The following MAGI2 variants were observed in gnomAD, a reference collection of about 807,000 sequenced individuals.
MAGI2 encodes membrane associated guanylate kinase, WW and PDZ domain containing 2, also known as membrane-associated guanylate kinase, WW and PDZ domain-containing protein 2.
In MAGI2, 35 loss-of-function variants were observed where a neutral mutation model predicts 133.3. The observed-to-expected ratio is 0.26, with a 90% CI of 0.20 to 0.35. The LOEUF (loss-of-function observed/expected upper bound fraction) is 0.35. MAGI2 is among the 10% of genes least tolerant of loss of function. MAGI2 has a pLI of 1.00. For missense variants in MAGI2, 1,636 were observed against 1,863.4 expected, an observed-to-expected ratio of 0.88 and a Z score of 2.25; for synonymous variants, 729 against 710.6, an observed-to-expected ratio of 1.03 and a Z score of -0.41.
intron 2 of MAGI2, among the ~76,000 whole-genome samples, chr7:78,975,906 T>C (rs1804201030): frequency 6.6e-6 from 1 of 151,682 alleles, no homozygotes; most frequent in South Asian, 2.1e-4. Flanking sequence ...CCTCACCTAT[T>C]TGAAAACTTA....
chr7:78,665,539 T>C (rs765056422), intron 2 of MAGI2, among the ~76,000 whole-genome samples: 14 of 147,626 alleles, frequency 9.5e-5, no homozygotes, highest in Non-Finnish European at 1.8e-4. Flanking sequence ...TTTAATTTCT[T>C]TTCTAATCTT....
At chr7:79,308,424 G>A (rs906869237) in intron 1 of MAGI2, among the ~76,000 whole-genome samples, 4 of 152,120 alleles carry the variant, frequency 2.6e-5, no homozygotes, top group African/African-American at 7.2e-5. Context: ...GGCTATGGAA[G>A]CATGAGCGAG....
At chr7:78,031,470 C>G (rs773048638) in intron 21 of MAGI2, among the ~76,000 whole-genome samples, 1 of 152,086 alleles carries the variant, frequency 6.6e-6, no homozygotes, top group Non-Finnish European at 1.5e-5. Flanking sequence ...ATATTTCCAC[C>G]ACTACTTTGC....
At chr7:78,491,910 TGTGTGTG>T (rs1793655646) in intron 5 of MAGI2, among the ~76,000 whole-genome samples, 1 of 150,686 alleles carries the variant, frequency 6.6e-6, no homozygotes, top group Non-Finnish European at 1.5e-5. Context: ...TGTGTGTGTG[TGTGTGTG>T]TGTTGATGTC....
chr7:78,804,833 C>T (rs922199464), intron 2 of MAGI2, among the ~76,000 whole-genome samples: 2 of 150,526 alleles, frequency 1.3e-5, no homozygotes, highest in African/African-American at 2.4e-5. Flanking sequence ...TTTGGGAAGC[C>T]GAGGCGGGTG....
At chr7:78,159,636 C>A (rs1824765772) in intron 16 of MAGI2, among the ~76,000 whole-genome samples, 1 of 152,166 alleles carries the variant, frequency 6.6e-6, no homozygotes, top group African/African-American at 2.4e-5. Flanking sequence ...CTTTGCATGT[C>A]TGGTTCTATT....
At chr7:78,641,426 AATAC>A (rs961507367) in intron 2 of MAGI2, among the ~76,000 whole-genome samples, 1 of 152,194 alleles carries the variant, frequency 6.6e-6, no homozygotes, top group Non-Finnish European at 1.5e-5. Context: ...CTGGACACAT[AATAC>A]ATAAACAAAT....
At chr7:78,823,881 T>G (rs187344321) in intron 2 of MAGI2, among the ~76,000 whole-genome samples, 117 of 151,848 alleles carry the variant, frequency 7.7e-4, no homozygotes, top group African/African-American at 2.7e-3. Context: ...TGGTATTATC[T>G]TCTCATTATC....
At chr7:79,282,446 C>T (rs1038436367) in intron 1 of MAGI2, among the ~76,000 whole-genome samples, 4 of 152,220 alleles carry the variant, frequency 2.6e-5, no homozygotes, top group African/African-American at 9.6e-5. Flanking sequence ...TGATTTTATA[C>T]TGTTGTTTTT....
At chr7:78,044,905 A>T (rs2151093552) in intron 21 of MAGI2, among the ~76,000 whole-genome samples, 1 of 152,350 alleles carries the variant, frequency 6.6e-6, no homozygotes, top group Middle Eastern at 3.4e-3. Flanking sequence ...GCGGCGGCTC[A>T]CACCTGTAAT....
At chr7:78,133,830 C>T (rs4495353) in intron 17 of MAGI2, among the ~76,000 whole-genome samples, 45,741 of 151,942 alleles carry the variant, frequency 0.3, 7,108 homozygotes, top group South Asian at 0.37. Context: ...AGCAGCATGG[C>T]CATTTTCTTT....
At chr7:78,148,550 A>G (rs1427007827) in intron 16 of MAGI2, among the ~76,000 whole-genome samples, 1 of 152,192 alleles carries the variant, frequency 6.6e-6, no homozygotes, top group Non-Finnish European at 1.5e-5. Context: ...AAATAGAGAT[A>G]AGTAAAAAGG....
intron 21 of MAGI2, among the ~76,000 whole-genome samples, chr7:78,069,565 A>AGAGAGAGAGG (rs1488267101): frequency 1.3e-5 from 2 of 151,362 alleles, no homozygotes; most frequent in Non-Finnish European, 2.9e-5. Flanking sequence ...AGAGAGAGAG[A>AGAGAGAGAGG]GAGAGAGGCT....
At chr7:78,573,163 TAC>T (rs200107385) in intron 3 of MAGI2, among the ~76,000 whole-genome samples, 84 of 95,676 alleles carry the variant, frequency 8.8e-4, no homozygotes, top group African/African-American at 2.9e-3. Flanking sequence ...GCTATATATA[TAC>T]ACACACACGT....
chr7:79,438,776 G>C (rs1193114531), intron 1 of MAGI2, among the ~76,000 whole-genome samples: 2 of 151,944 alleles, frequency 1.3e-5, no homozygotes, highest in Non-Finnish European at 2.9e-5. Context: ...CTTAAGCCTT[G>C]CTCTCAGTTT....
chr7:78,232,334 A>G (rs1370652468), intron 10 of MAGI2, among the ~76,000 whole-genome samples: 1 of 152,176 alleles, frequency 6.6e-6, no homozygotes, highest in African/African-American at 2.4e-5. Flanking sequence ...GTTTATAACA[A>G]TTTTTAAAGC....
intron 21 of MAGI2, among the ~76,000 whole-genome samples, chr7:78,023,185 A>G (rs1050751901): frequency 1.3e-5 from 2 of 152,208 alleles, no homozygotes; most frequent in Non-Finnish European, 2.9e-5. Flanking sequence ...ACCTTGCCCT[A>G]TCACCTGCCT....
At chr7:78,205,897 G>C (rs1428725771) in intron 10 of MAGI2, among the ~76,000 whole-genome samples, 1 of 152,160 alleles carries the variant, frequency 6.6e-6, no homozygotes, top group African/African-American at 2.4e-5. Context: ...GCATTGTGCT[G>C]ACTGCCTTCT....
chr7:78,846,895 G>C (rs1229788337), intron 2 of MAGI2, among the ~76,000 whole-genome samples: 2 of 151,834 alleles, frequency 1.3e-5, no homozygotes, highest in African/African-American at 4.8e-5. Context: ...TCCTGGTAGG[G>C]GAAGGGTTTA....
Sources: gnomAD v4.1 joint callset for allele counts (sites outside exome capture counted in the v4.1 genomes callset) on GRCh38, gnomAD v4.1.1 for gene constraint, MANE v1.5 for transcripts, NCBI Gene and HGNC (gene_info 2026-07-23, HGNC 2026-07-21) for gene names.